Variants in TRHDE observed in about 807,000 individuals in gnomAD.
TRHDE encodes the protein thyrotropin releasing hormone degrading enzyme.
A neutral mutation model predicts 125.7 loss-of-function variants in TRHDE; 72 were observed. The observed-to-expected ratio is 0.57, with a 90% CI of 0.47 to 0.70. The LOEUF is 0.70. TRHDE is among the 30% of genes least tolerant of loss of function. The pLI is 0.00. For synonymous variants in TRHDE, 509 were observed against 509.1 expected, an observed-to-expected ratio of 1.00 and a Z score of 0.00; for missense variants, 1,110 against 1,327.1, an observed-to-expected ratio of 0.84 and a Z score of 2.54.
At chr12:72,270,205 T>TA (rs1046997412), upstream of TRHDE, among the ~76,000 whole-genome samples, 1 of 152,176 alleles carries the variant, frequency 6.6e-6, no homozygotes, top group Non-Finnish European at 1.5e-5. Flanking sequence ...TACAGACATT[T>TA]AAAAACAGAG....
At chr12:72,556,529 T>C (rs1262443280) in intron 7 of TRHDE, among the ~76,000 whole-genome samples, 1 of 152,192 alleles carries the variant, frequency 6.6e-6, no homozygotes, top group Admixed American at 6.5e-5. Flanking sequence ...TTAGGATTCA[T>C]AGTCCTAGGA....
At chr12:72,486,495 T>A (rs1285565083) in intron 5 of TRHDE, among the ~76,000 whole-genome samples, 1 of 152,096 alleles carries the variant, frequency 6.6e-6, no homozygotes, top group Non-Finnish European at 1.5e-5. Flanking sequence ...GCAGCCACCA[T>A]CACTTCCACA....
chr12:72,209,348 T>C (rs903140082), intron 2 of TRHDE, among the ~76,000 whole-genome samples: 36 of 152,152 alleles, frequency 2.4e-4, no homozygotes, highest in African/African-American at 8.7e-4. Flanking sequence ...CCTGAATCAA[T>C]GTAATGGGAG....
At chr12:72,228,399 C>A (rs542287318) in intron 2 of TRHDE, among the ~76,000 whole-genome samples, 6 of 152,146 alleles carry the variant, frequency 3.9e-5, no homozygotes, top group Non-Finnish European at 8.8e-5. Flanking sequence ...TTAGCCATGG[C>A]GTGAATGCAG....
chr12:72,509,553 A>G (rs1878499332), intron 6 of TRHDE, among the ~76,000 whole-genome samples: 1 of 152,158 alleles, frequency 6.6e-6, no homozygotes, highest in South Asian at 2.1e-4. Flanking sequence ...ACATAGTGTC[A>G]TGGTCCCAGC....
intron 2 of TRHDE, among the ~76,000 whole-genome samples, chr12:72,211,282 G>A (rs1283792665): frequency 2.0e-5 from 3 of 152,190 alleles, no homozygotes; most frequent in Admixed American, 6.6e-5. Context: ...AAACCATGAG[G>A]ATGAAGGGCT....
chr12:72,296,288 A>G (rs187304334), intron 2 of TRHDE, among the ~76,000 whole-genome samples: 7 of 152,346 alleles, frequency 4.6e-5, no homozygotes, highest in African/African-American at 1.7e-4. Flanking sequence ...ATTGAAATAA[A>G]AATAGAAAAT....
chr12:72,260,656 G>A (rs1592503868), intron 2 of TRHDE, among the ~76,000 whole-genome samples: 1 of 152,248 alleles, frequency 6.6e-6, no homozygotes, highest in East Asian at 1.9e-4. Flanking sequence ...CCCTTATCAG[G>A]CATACAGCCA....
In TRHDE at chr12:72,146,166, A is replaced by G. The variant is rs550078577; in HGVS notation, n.279+40414A>G. 2.1e-3 allele frequency among the ~76,000 whole-genome samples: 315 copies of G among 152,308 alleles called. 3 individuals are homozygous for G. Among genetic ancestry groups the G allele is most frequent in the African/African-American group, 7.3e-3 (304 of 41,572 alleles). On this transcript the variant is annotated intron_variant and non_coding_transcript_variant, in intron 2 of 4. Coordinates refer to the TRHDE transcript ENST00000548156. ...GTATATTTAGGAGTGAGGCATACCC[A>G]TTTATTAGTTGTAAGTGGCTAGCCT...
chr12:72,360,076 C>G (rs1227635525), intron 2 of TRHDE, among the ~76,000 whole-genome samples: 2 of 151,684 alleles, frequency 1.3e-5, no homozygotes, highest in African/African-American at 2.4e-5. Flanking sequence ...ATCCCTATTT[C>G]ACAGCACTCA....
Position 72,378,002 on chromosome 12 carries a change from T to G in TRHDE, c.1196T>G (p.Leu399Ter). 6.3e-7 allele frequency: 1 copy of G among 1,580,786 alleles called. No individual in the cohort carries two copies. Among genetic ancestry groups the G allele is most frequent in the East Asian group, 2.2e-5 (1 of 44,520 alleles). ...ATATATATTTTTAATTAGGTACGATTATATGCAAGACCTGATGCTATCAGA... is the reference window on the plus strand; with the variant it reads ...ATATATATTTTTAATTAGGTACGATGATATGCAAGACCTGATGCTATCAGA... ...TTTKSGVVVR[L>*]YARPDAIRRG... The change falls in exon 3 of 19, where the codon TTA becomes TGA. Residue 399 changes from leucine (L) to a stop codon, truncating the protein, a stop_gained. Coordinates refer to ENST00000261180, the MANE Select transcript of TRHDE (RefSeq NM_013381.3). LOFTEE classifies it high-confidence loss of function.
At chr12:72,511,914 A>C (rs1473657402) in intron 6 of TRHDE, among the ~76,000 whole-genome samples, 1 of 152,174 alleles carries the variant, frequency 6.6e-6, no homozygotes, top group African/African-American at 2.4e-5. Context: ...AGAGTAAGGA[A>C]TAGATTAATC....
intron 2 of TRHDE, among the ~76,000 whole-genome samples, chr12:72,251,921 A>G (rs145837683): frequency 6.6e-6 from 1 of 152,182 alleles, no homozygotes; most frequent in East Asian, 1.9e-4. Context: ...ATCTTTTTAC[A>G]TGCATTTTTG....
intron 2 of TRHDE, 100 bp downstream of exon 2, chr12:72,287,054 C>T: frequency 4.1e-6 from 5 of 1,226,724 alleles, no homozygotes; most frequent in Non-Finnish European, 5.7e-6. Context: ...CTTTTTACAC[C>T]TTATATAGTG....
chr12:72,430,400 C>CGTATATATATGTGCATATATATACAT (rs1565738319), intron 3 of TRHDE, among the ~76,000 whole-genome samples: 20 of 136,866 alleles, frequency 1.5e-4, no homozygotes, highest in Admixed American at 6.1e-4. Flanking sequence ...TATACACACA[C>CGTATATATATGTGCATATATATACAT]GTATATATAT....
chr12:72,549,589 T>C (rs771487643), intron 7 of TRHDE, among the ~76,000 whole-genome samples: 6 of 151,860 alleles, frequency 4.0e-5, no homozygotes, highest in Non-Finnish European at 7.4e-5. Flanking sequence ...ATGTGTTCAA[T>C]GTCATATGAT....
At chr12:72,301,255 GA>G (rs1221236746) in intron 2 of TRHDE, among the ~76,000 whole-genome samples, 1 of 151,926 alleles carries the variant, frequency 6.6e-6, no homozygotes, top group Non-Finnish European at 1.5e-5. Flanking sequence ...TCCAGACAGG[GA>G]AAAAAATAAA....
chr12:72,412,226 A>G (rs973956687), intron 3 of TRHDE, among the ~76,000 whole-genome samples: 1 of 152,184 alleles, frequency 6.6e-6, no homozygotes, highest in African/African-American at 2.4e-5. Context: ...CAAATCAGCC[A>G]AACAGAAAGA....
At position 72,298,976 on chromosome 12, in the gene TRHDE, TTTGCACCAAATGTG is replaced by T. The variant is rs1296565629; in HGVS notation, c.1188+12028_1188+12041del. On this transcript the variant is annotated intron_variant, in intron 2 of 18. Coordinates refer to ENST00000261180, the MANE Select transcript of TRHDE (RefSeq NM_013381.3). ...GTTGGCATGAAAAAATGGCCAAACT[TTTGCACCAAATGTG>T]TTGCAGTACAGAGAAGAATCTCTGG... Among the ~76,000 whole-genome samples the T allele has an allele frequency of 6.6e-5, 10 of 151,998 alleles. No individual in the cohort carries two copies. The South Asian group carries it at 2.1e-3, about 32-fold the overall frequency.
Sources: gnomAD v4.1 joint callset for allele counts (sites outside exome capture counted in the v4.1 genomes callset) on GRCh38, gnomAD v4.1.1 for gene constraint, MANE v1.5 for transcripts, NCBI Gene and HGNC (gene_info 2026-07-23, HGNC 2026-07-21) for gene names.